The following GAP43 variants were observed in gnomAD, a reference collection of about 807,000 sequenced individuals.
The protein encoded by GAP43 is growth associated protein 43.
A neutral mutation model predicts 18.6 loss-of-function variants in GAP43; 6 were observed. That is an observed-to-expected ratio of 0.32 (90% CI 0.18 to 0.64). The LOEUF is 0.64. Ranked by LOEUF, GAP43 falls within the 30% of genes least tolerant of loss-of-function variation. GAP43 has a pLI of 0.78. For missense variants in GAP43, 292 were observed against 295.5 expected, an observed-to-expected ratio of 0.99 and a Z score of 0.09; for synonymous variants, 115 against 111.4, an observed-to-expected ratio of 1.03 and a Z score of -0.20.
chr3:115,624,951 AT>A lies in GAP43; in HGVS notation c.30+1234del, dbSNP rs150593837. 2.1e-3 allele frequency among the ~76,000 whole-genome samples: 298 copies of A among 142,784 alleles called. 2 individuals are homozygous for A. Among genetic ancestry groups the A allele is most frequent in the South Asian group, 3.5e-3 (16 of 4,558 alleles). 93.7% of individuals were successfully genotyped at this position (142,784 alleles called of 152,430 possible). On this transcript the variant is annotated intron_variant, in intron 1 of 2. Coordinates refer to ENST00000305124, the MANE Select transcript of GAP43 (RefSeq NM_002045.4). ...GGTCAAAGAAGCCCTTCGCAGACTG[AT>A]TGCCTTAGGGGTGGGGTGCAAGAGA...
chr3:115,685,816 A>G (rs1709024596), intron 2 of GAP43, among the ~76,000 whole-genome samples: 1 of 152,032 alleles, frequency 6.6e-6, no homozygotes, highest in Non-Finnish European at 1.5e-5. Context: ...GATTTTTTTT[A>G]TTTCCTCCTT....
intron 1 of GAP43, among the ~76,000 whole-genome samples, chr3:115,633,542 A>G (rs1050884867): frequency 6.6e-6 from 1 of 152,116 alleles, no homozygotes; most frequent in African/African-American, 2.4e-5. Flanking sequence ...GTTATTTTCA[A>G]TTTGGTCTGT....
At chr3:115,629,740 G>A (rs1708239168) in intron 1 of GAP43, among the ~76,000 whole-genome samples, 1 of 151,938 alleles carries the variant, frequency 6.6e-6, no homozygotes. Context: ...ATAATACTTG[G>A]TACATAAAAT....
intron 1 of GAP43, among the ~76,000 whole-genome samples, chr3:115,666,749 C>T (rs182406175): frequency 1.4e-4 from 22 of 152,244 alleles, no homozygotes; most frequent in Non-Finnish European, 2.9e-4. Flanking sequence ...CTCCGCAGCC[C>T]ATGCTCTTAA....
intron 1 of GAP43, among the ~76,000 whole-genome samples, chr3:115,632,412 G>T (rs1261743223): frequency 6.6e-6 from 1 of 152,126 alleles, no homozygotes; most frequent in African/African-American, 2.4e-5. Context: ...GATTAGAGAG[G>T]TGATATGTAA....
rs185511684 is a variant in GAP43 at position 115,629,502 on chromosome 3, C to G, written c.30+5783C>G. Among the ~76,000 whole-genome samples the G allele has an allele frequency of 1.4e-3, 218 of 151,820 alleles. 1 individual carries two copies. Among genetic ancestry groups the G allele is most frequent in the Middle Eastern group, 3.4e-3 (1 of 294 alleles). On this transcript the variant is annotated intron_variant, in intron 1 of 2. Coordinates refer to ENST00000305124, the MANE Select transcript of GAP43 (RefSeq NM_002045.4). Reference sequence around the variant, plus strand: ...CTCTCTGCCCATGTTACCCTTCCCTCTCAGCCTGAAATATTCCCACTTTCC... The same window carrying G: ...CTCTCTGCCCATGTTACCCTTCCCTGTCAGCCTGAAATATTCCCACTTTCC...
chr3:115,643,676 C>T (rs1267959232), intron 1 of GAP43, among the ~76,000 whole-genome samples: 1 of 151,924 alleles, frequency 6.6e-6, no homozygotes, highest in Admixed American at 6.6e-5. Flanking sequence ...TCTCATTACC[C>T]TATGTAAAAT....
intron 2 of GAP43, among the ~76,000 whole-genome samples, chr3:115,705,226 G>A (rs565398198): frequency 7.4e-4 from 112 of 152,190 alleles, no homozygotes; most frequent in Admixed American, 2.4e-3. Context: ...ATATAAATAG[G>A]AAATATTTTT....
At chr3:115,634,229 T>G (rs1170720023) in intron 1 of GAP43, among the ~76,000 whole-genome samples, 1 of 152,174 alleles carries the variant, frequency 6.6e-6, no homozygotes, top group Non-Finnish European at 1.5e-5. Flanking sequence ...TTGCTTTTAT[T>G]AAGTGGCTGC....
intron 1 of GAP43, among the ~76,000 whole-genome samples, chr3:115,652,188 C>T (rs889957817): frequency 2.6e-5 from 4 of 152,022 alleles, no homozygotes; most frequent in African/African-American, 9.7e-5. Context: ...GAATTCTCCA[C>T]AAATAAACTG....
chr3:115,715,079 C>T (rs144352299), intron 2 of GAP43, among the ~76,000 whole-genome samples: 10 of 152,024 alleles, frequency 6.6e-5, no homozygotes, highest in African/African-American at 1.9e-4. Flanking sequence ...GTCATGAGTC[C>T]GCTACCCTCA....
At chr3:115,675,566 G>C (rs1268975895) in intron 1 of GAP43, among the ~76,000 whole-genome samples, 1 of 151,970 alleles carries the variant, frequency 6.6e-6, no homozygotes, top group Non-Finnish European at 1.5e-5. Flanking sequence ...TTTGAGACCA[G>C]CCTGAACAAC....
At chr3:115,713,099 T>G (rs1709461357) in intron 2 of GAP43, among the ~76,000 whole-genome samples, 1 of 152,122 alleles carries the variant, frequency 6.6e-6, no homozygotes, top group South Asian at 2.1e-4. Context: ...CAGATGGACA[T>G]CTGGTATATA....
intron 1 of GAP43, among the ~76,000 whole-genome samples, chr3:115,624,245 T>G (rs1708155194): frequency 6.6e-6 from 1 of 151,976 alleles, no homozygotes; most frequent in Non-Finnish European, 1.5e-5. Context: ...AACGTGCAGG[T>G]CTTATTTATT....
At chr3:115,663,124 A>G (rs1398563234) in intron 1 of GAP43, among the ~76,000 whole-genome samples, 2 of 152,186 alleles carry the variant, frequency 1.3e-5, no homozygotes, top group African/African-American at 2.4e-5. Flanking sequence ...TCCACAACCT[A>G]TGCTGCATAA....
At chr3:115,675,863 T>C (rs964542204) in intron 1 of GAP43, 150 bp from the exon 2 acceptor site, 7 of 1,138,468 alleles carry the variant, frequency 6.1e-6, no homozygotes, top group Non-Finnish European at 8.5e-6. Context: ...TGAGGTTTGA[T>C]TTGAACTTCC....
At position 115,628,002 on chromosome 3, in the gene GAP43, A is replaced by G. The variant is rs142656398; in HGVS notation, c.30+4283A>G. On this transcript the variant is annotated intron_variant, in intron 1 of 2. Coordinates refer to ENST00000305124, the MANE Select transcript of GAP43 (RefSeq NM_002045.4). ...AGAGTAAAAACCAAAAACCAGACAC[A>G]AATGAACACTTTGCTTACCTTAAGG... Among the ~76,000 whole-genome samples the G allele has an allele frequency of 5.1e-3, 783 of 152,322 alleles. 9 individuals are homozygous for G. The highest frequency in any genetic ancestry group is 0.018 in the African/African-American group (751 of 41,584).
intron 2 of GAP43, among the ~76,000 whole-genome samples, chr3:115,698,511 C>G (rs998529261): frequency 6.6e-6 from 1 of 150,408 alleles, no homozygotes; most frequent in East Asian, 2.0e-4. Context: ...ACAAACAAAT[C>G]TAATTCATAC....
chr3:115,699,430 C>T (rs757125865), intron 2 of GAP43, among the ~76,000 whole-genome samples: 4 of 152,170 alleles, frequency 2.6e-5, no homozygotes, highest in Non-Finnish European at 2.9e-5. Flanking sequence ...AGCCCATCAG[C>T]CAAAGTTAGT....
Sources: gnomAD v4.1 joint callset for allele counts (sites outside exome capture counted in the v4.1 genomes callset) on GRCh38, gnomAD v4.1.1 for gene constraint, MANE v1.5 for transcripts, NCBI Gene and HGNC (gene_info 2026-07-23, HGNC 2026-07-21) for gene names.